The following CNTNAP2 variants were observed in gnomAD, a reference collection of about 807,000 sequenced individuals.
CNTNAP2 encodes contactin-associated protein-like 2.
A neutral mutation model predicts 155.2 loss-of-function variants in CNTNAP2; 98 were observed. The observed-to-expected ratio is 0.63, with a 90% CI of 0.54 to 0.75. The LOEUF is 0.75. CNTNAP2 is among the 30% of genes least tolerant of loss of function. The pLI, the probability that CNTNAP2 is intolerant of heterozygous loss-of-function variation, is 0.00. For missense variants in CNTNAP2, 1,727 were observed against 1,688.1 expected (o/e 1.02, Z -0.40); for synonymous variants, 651 against 631.2 (o/e 1.03, Z -0.47).
chr7:148,407,113 G>A (rs935599594), intron 22 of CNTNAP2, among the ~76,000 whole-genome samples: 19 of 151,982 alleles, frequency 1.3e-4, no homozygotes, highest in African/African-American at 4.6e-4. Context: ...AGAAGATTCA[G>A]GTTTAAAAAA....
chr7:147,786,143 A>G (rs1001185425), intron 13 of CNTNAP2, among the ~76,000 whole-genome samples: 5 of 151,904 alleles, frequency 3.3e-5, no homozygotes, highest in African/African-American at 1.2e-4. Flanking sequence ...TACAAAAATT[A>G]GCTGGCGCAT....
chr7:146,665,130 G>T (rs986742349), intron 1 of CNTNAP2, among the ~76,000 whole-genome samples: 1 of 152,008 alleles, frequency 6.6e-6, no homozygotes. Context: ...TGGATTTTTA[G>T]TAGCGACGGG....
chr7:146,311,850 A>G (rs541462563), intron 1 of CNTNAP2: 17 of 151,464 alleles, frequency 1.1e-4, no homozygotes, highest in Non-Finnish European at 1.0e-4. Flanking sequence ...ATTTTATAAG[A>G]AGGAAAGTAG....
intron 1 of CNTNAP2, among the ~76,000 whole-genome samples, chr7:146,712,272 G>GCA (rs1315378661): frequency 7.5e-6 from 1 of 132,580 alleles, no homozygotes; most frequent in African/African-American, 2.8e-5. Context: ...CATATCTTAT[G>GCA]TATACATATA....
intron 1 of CNTNAP2, among the ~76,000 whole-genome samples, chr7:146,748,215 A>G (rs13227936): frequency 0.11 from 14,901 of 139,358 alleles, 916 homozygotes; most frequent in African/African-American, 0.18. Flanking sequence ...GTCGAATCTC[A>G]GCTCACTGCA....
chr7:146,558,295 A>T (rs1380875369), intron 1 of CNTNAP2, among the ~76,000 whole-genome samples: 1 of 152,182 alleles, frequency 6.6e-6, no homozygotes, highest in Non-Finnish European at 1.5e-5. Flanking sequence ...TCACTCATGA[A>T]ACATTTCAGT....
At chr7:147,137,733 A>G (rs1004383129) in intron 8 of CNTNAP2, among the ~76,000 whole-genome samples, 1 of 151,912 alleles carries the variant, frequency 6.6e-6, no homozygotes, top group Admixed American at 6.6e-5. Context: ...GGTTGTGTCT[A>G]TAATGTTTAA....
Position 147,775,382 on chromosome 7 carries a change from T to A in CNTNAP2, c.2099-128183T>A, listed in dbSNP as rs1435264173. Among the ~76,000 whole-genome samples, 5 of 100,676 alleles carry A rather than the reference T, an allele frequency of 5.0e-5. 1 individual carries two copies. Among genetic ancestry groups the A allele is most frequent in the Non-Finnish European group, 7.4e-5 (4 of 54,300 alleles). The allele number at this position is 100,676 out of a possible 152,430, so 66.0% of individuals were successfully genotyped here. ...ATTTATAAATATATATATATTTATA[T>A]ATATTTATAAATATATATATTTATA... is the stretch of plus-strand genomic sequence containing the variant. On this transcript the variant is annotated intron_variant, in intron 13 of 23. Coordinates refer to ENST00000361727, the MANE Select transcript of CNTNAP2 (RefSeq NM_014141.6).
At chr7:147,462,801 T>C (rs34439625) in intron 10 of CNTNAP2, among the ~76,000 whole-genome samples, 118,180 of 151,322 alleles carry the variant, frequency 0.78, 46,503 homozygotes, top group African/African-American at 0.88. Flanking sequence ...TTTTTTGAGA[T>C]GGAGTCTTGC....
intron 14 of CNTNAP2, among the ~76,000 whole-genome samples, chr7:147,922,143 C>G (rs558183291): frequency 6.6e-6 from 1 of 152,010 alleles, no homozygotes; most frequent in Non-Finnish European, 1.5e-5. Flanking sequence ...ATACGCATGT[C>G]GATGCAAATT....
Position 147,625,901 on chromosome 7 carries a change from A to T in CNTNAP2, c.1898-13205A>T, listed in dbSNP as rs80261759. Among the ~76,000 whole-genome samples the T allele has an allele frequency of 1.9e-3, 289 of 152,316 alleles. 1 individual carries two copies. Among genetic ancestry groups the T allele is most frequent in the African/African-American group, 6.4e-3 (267 of 41,566 alleles). ...GGGGGACCTGAAAATCCAGATCATG[A>T]GATTATGGAAGAAGGATTTAACCTC... On this transcript the variant is annotated intron_variant, in intron 12 of 23. Transcript: ENST00000361727.
intron 11 of CNTNAP2, among the ~76,000 whole-genome samples, chr7:147,519,778 T>C (rs2008168): frequency 0.2 from 30,051 of 152,002 alleles, 3,323 homozygotes; most frequent in East Asian, 0.33. Flanking sequence ...GGCAGGAGAG[T>C]TGCTGGAACC....
chr7:148,265,487 C>T (rs1230269148), intron 20 of CNTNAP2, among the ~76,000 whole-genome samples: 2 of 152,138 alleles, frequency 1.3e-5, no homozygotes, highest in Admixed American at 1.3e-4. Flanking sequence ...ATTGCCCAGG[C>T]TGGTCTTGTA....
At chr7:147,575,107 ATGTGTGTGTG>A (rs754922892) in intron 12 of CNTNAP2, among the ~76,000 whole-genome samples, 52 of 94,124 alleles carry the variant, frequency 5.5e-4, no homozygotes, top group Admixed American at 7.0e-4. Context: ...TTTGTGGGAA[ATGTGTGTGTG>A]TGTGTGTGTG....
intron 16 of CNTNAP2, among the ~76,000 whole-genome samples, chr7:148,126,460 T>C (rs1374972779): frequency 6.6e-6 from 1 of 152,088 alleles, no homozygotes. Flanking sequence ...CAAGGAATAA[T>C]ATGTGGAAAG....
intron 4 of CNTNAP2, among the ~76,000 whole-genome samples, chr7:147,094,399 C>CTTTTTTTTTTTTTTTTTTT (rs55694542): frequency 2.3e-5 from 3 of 132,962 alleles, no homozygotes; most frequent in Non-Finnish European, 3.1e-5. Context: ...ATTATTATTC[C>CTTTTTTTTTTTTTTTTTTT]TTTTTTTTTT....
chr7:147,053,722 G>A (rs1167796777), intron 4 of CNTNAP2, among the ~76,000 whole-genome samples: 1 of 151,982 alleles, frequency 6.6e-6, no homozygotes, highest in African/African-American at 2.4e-5. Flanking sequence ...ATACATATTA[G>A]TCCAAAATTT....
At chr7:146,246,777 C>T (rs937473972) in intron 1 of CNTNAP2, among the ~76,000 whole-genome samples, 5 of 152,154 alleles carry the variant, frequency 3.3e-5, no homozygotes, top group African/African-American at 7.2e-5. Context: ...AGATGGGACT[C>T]GGCTTAGGAG....
intron 1 of CNTNAP2, among the ~76,000 whole-genome samples, chr7:146,644,883 G>T (rs1191163107): frequency 6.6e-6 from 1 of 152,042 alleles, no homozygotes; most frequent in Non-Finnish European, 1.5e-5. Flanking sequence ...TGGATTCACA[G>T]CCGAATTCTA....
Sources: allele counts gnomAD v4.1 joint callset (sites outside exome capture counted in the v4.1 genomes callset), GRCh38; gene constraint gnomAD v4.1.1; transcripts MANE v1.5; gene names NCBI Gene and HGNC (gene_info 2026-07-23, HGNC 2026-07-21).